RUFY1: variants seen among roughly 807,000 people sequenced by gnomAD.
The protein encoded by RUFY1 is RUN and FYVE domain containing 1.
RUFY1 carries 54 observed loss-of-function variants against 94.6 expected under a neutral mutation model. The ratio of observed to expected loss-of-function variants is 0.57; its 90% CI spans 0.46 to 0.72. The LOEUF (loss-of-function observed/expected upper bound fraction) is 0.72. Among genes scored for constraint, RUFY1 ranks in the 30% least tolerant of loss-of-function variants. The pLI is 0.00. For missense variants in RUFY1, 883 were observed against 883.9 expected (o/e 1.00, Z 0.01); for synonymous variants, 396 against 347.3 (o/e 1.14, Z -1.56).
chr5:179,599,630 T>C (rs1403160186), intron 14 of RUFY1: 1 of 152,438 alleles, frequency 6.6e-6, no homozygotes, highest in East Asian at 1.9e-4. Flanking sequence ...GTGTGGAACA[T>C]TTGCCCTAAT....
rs1022880740 is a variant in RUFY1, at chr5:179,550,893, G to A, written c.310+14G>A. The A allele has an allele frequency of 8.8e-7, 1 of 1,134,154 alleles. No individual in the cohort carries two copies. Among genetic ancestry groups the A allele is most frequent in the Non-Finnish European group, 1.1e-6 (1 of 926,952 alleles). The allele number at this position is 1,134,154 out of a possible 1,614,324, so 70.3% of individuals were successfully genotyped here. A position where few individuals can be genotyped will look rare whatever the true frequency, so the allele number is the denominator to read the frequency against. ...CGGCGCGCGCAGGTAGGCTCGGGCC[G>A]GGTCTGTCCCGCGGCGGACTCGCGT... is the stretch of plus-strand genomic sequence containing the variant. On this transcript the variant is annotated intron_variant, in intron 1 of 17. Coordinates refer to ENST00000319449, the MANE Select transcript of RUFY1 (RefSeq NM_025158.5).
intron 8 of RUFY1, among the ~76,000 whole-genome samples, chr5:179,588,245 C>G (rs1163274292): frequency 6.6e-6 from 1 of 152,140 alleles, no homozygotes; most frequent in Non-Finnish European, 1.5e-5. Flanking sequence ...ACACTGTTGA[C>G]AGAGAAAGTG....
At chr5:179,568,181 G>A (rs1339692261) in intron 4 of RUFY1, among the ~76,000 whole-genome samples, 7 of 152,094 alleles carry the variant, frequency 4.6e-5, no homozygotes, top group African/African-American at 1.7e-4. Context: ...GAAAGCAGAG[G>A]TTGCAGTGAG....
chr5:179,596,526 T>G (rs1293886027), intron 12 of RUFY1, 36 bp from the exon 13 acceptor site: 5 of 1,613,410 alleles, frequency 3.1e-6, no homozygotes, highest in Non-Finnish European at 3.4e-6. Flanking sequence ...TTACAAAGAT[T>G]TGCTTCATTT....
At chr5:179,607,098 G>A (rs1008136971) in intron 16 of RUFY1, 1 of 170,838 alleles carries the variant, frequency 5.9e-6, no homozygotes, top group South Asian at 1.4e-4. Context: ...CCTGTGGGAC[G>A]CAGTGCCCGC....
At chr5:179,561,200 G>T (rs527336864) in intron 2 of RUFY1, among the ~76,000 whole-genome samples, 1 of 150,528 alleles carries the variant, frequency 6.6e-6, no homozygotes, top group East Asian at 2.0e-4. Flanking sequence ...TACAGGGTGA[G>T]ATTCCATCTC....
At chr5:179,551,448 A>G (rs1224060031) in intron 1 of RUFY1, among the ~76,000 whole-genome samples, 6 of 152,318 alleles carry the variant, frequency 3.9e-5, no homozygotes, top group South Asian at 2.1e-4. Flanking sequence ...GTGCTATCCA[A>G]TACAACAGCA....
chr5:179,554,114 C>T (rs1581409866), intron 1 of RUFY1, among the ~76,000 whole-genome samples: 1 of 152,360 alleles, frequency 6.6e-6, no homozygotes, highest in East Asian at 1.9e-4. Context: ...GCAATGAGGA[C>T]AGGCAGGACT....
Position 179,567,582 on chromosome 5 carries a change from T to G in RUFY1, c.704+20T>G, listed in dbSNP as rs1181192129. 1 of 1,539,722 alleles carries G rather than the reference T, an allele frequency of 6.5e-7. No homozygotes were observed. The highest frequency in any genetic ancestry group is 9.0e-7 in the Non-Finnish European group (1 of 1,112,730). On this transcript the variant is annotated intron_variant, in intron 4 of 17. Transcript: ENST00000319449. The stretch of plus-strand genomic sequence containing the variant: ...CTTAAGGTATTTCATCAACCATGTT[T>G]GCTTATCTTTTGCTTGGTAAATAAT...
intron 11 of RUFY1, among the ~76,000 whole-genome samples, chr5:179,594,444 G>T (rs1039824627): frequency 2.7e-5 from 4 of 149,980 alleles, no homozygotes; most frequent in Non-Finnish European, 4.4e-5. Flanking sequence ...GTCCCAGACA[G>T]AACCAATCAT....
chr5:179,550,780 C>A lies in RUFY1; in HGVS notation c.211C>A (p.Arg71Ser). ...GWSAPILTLARRATGNLSASC... is the reference protein window; with the variant it reads ...GWSAPILTLASRATGNLSASC... ...GTCGGCGCCCATCCTGACCCTGGCA[C>A]GCAGGGCCACCGGGAACCTGTCGGC... The change falls in exon 1 of 18, where the codon CGC becomes AGC. Residue 71 changes from arginine (R) to serine (S), a missense_variant. Coordinates refer to ENST00000319449, the MANE Select transcript of RUFY1 (RefSeq NM_025158.5). The A allele has an allele frequency of 7.2e-7, 1 of 1,385,128 alleles. No homozygotes were observed. The allele number at this position is 1,385,128 out of a possible 1,614,324, so 85.8% of individuals were successfully genotyped here. A position where few individuals can be genotyped will look rare whatever the true frequency, so the allele number is the denominator to read the frequency against.
intron 2 of RUFY1, among the ~76,000 whole-genome samples, chr5:179,560,502 G>A (rs1185582755): frequency 6.6e-6 from 1 of 151,272 alleles, no homozygotes; most frequent in Non-Finnish European, 1.5e-5. Flanking sequence ...GGCGGATCAC[G>A]AGGTCAGGAT....
intron 5 of RUFY1, among the ~76,000 whole-genome samples, chr5:179,571,639 C>T (rs748544032): frequency 1.2e-4 from 18 of 152,026 alleles, no homozygotes; most frequent in Non-Finnish European, 2.4e-4. Context: ...TAACATAAAA[C>T]GGACCTCCAG....
intron 10 of RUFY1, among the ~76,000 whole-genome samples, chr5:179,593,023 C>T (rs75669432): frequency 1.3e-5 from 2 of 152,270 alleles, no homozygotes; most frequent in Admixed American, 6.5e-5. Flanking sequence ...ACTCCTGCCC[C>T]AGACAGACTC....
chr5:179,586,239 G>C (rs1562043417), intron 8 of RUFY1: 1 of 443,934 alleles, frequency 2.3e-6, no homozygotes, highest in Non-Finnish European at 4.5e-6. Context: ...TCTGTCATAA[G>C]GAATAAGTAT....
At chr5:179,555,060 C>T (rs1762041502) in intron 1 of RUFY1, among the ~76,000 whole-genome samples, 1 of 152,170 alleles carries the variant, frequency 6.6e-6, no homozygotes, top group African/African-American at 2.4e-5. Context: ...AGCACATGTG[C>T]TTTCCTCTCT....
chr5:179,609,354 C>T, intron 17 of RUFY1, 22 bp from the exon 18 acceptor site: 1 of 1,610,442 alleles, frequency 6.2e-7, no homozygotes, highest in Non-Finnish European at 8.5e-7. Context: ...TGTCCTGTGA[C>T]CGCCTTCTTC....
chr5:179,559,849 G>C (rs943299065), intron 1 of RUFY1, 176 bp from the exon 2 acceptor site: 10 of 1,395,572 alleles, frequency 7.2e-6, no homozygotes, highest in Admixed American at 6.1e-5. Context: ...GGGGGCTGTG[G>C]CCTCTAGGGA....
In RUFY1 at chr5:179,596,573, C is replaced by T; in HGVS notation, c.1523C>T (p.Ser508Leu). The change falls in exon 13 of 18, where the codon TCG becomes TTG. Residue 508 changes from serine to leucine, a missense_variant. Physicochemically the swap from Ser to Leu is moderately radical, Grantham distance 145. Coordinates refer to ENST00000319449, the MANE Select transcript of RUFY1 (RefSeq NM_025158.5). ...MKQMEERLQH[S>L]ERARQGAEER... ...GGTGTCGCATCCAGGTTGCAGCACTCGGAGCGGGCGAGGCAGGGGGCTGAG... is the reference window on the plus strand; with the variant it reads ...GGTGTCGCATCCAGGTTGCAGCACTTGGAGCGGGCGAGGCAGGGGGCTGAG... 4 of 1,613,648 alleles carry T rather than the reference C, an allele frequency of 2.5e-6. No homozygotes were observed. The highest frequency in any genetic ancestry group is 2.2e-5 in the South Asian group (2 of 91,078).
Sources: allele counts gnomAD v4.1 joint callset (sites outside exome capture counted in the v4.1 genomes callset), GRCh38; gene constraint gnomAD v4.1.1; transcripts MANE v1.5; gene names NCBI Gene and HGNC (gene_info 2026-07-23, HGNC 2026-07-21).